The following AGBL1 variants were observed in gnomAD, a reference collection of about 807,000 sequenced individuals.
AGBL1 encodes the protein cytosolic carboxypeptidase 4.
Under a neutral mutation model 118.9 loss-of-function variants are expected in AGBL1, and 130 were observed. The ratio of observed to expected loss-of-function variants is 1.09; its 90% CI spans 0.95 to 1.26. The LOEUF (loss-of-function observed/expected upper bound fraction) is 1.26. Ranked by LOEUF, AGBL1 falls within the 50% of genes most tolerant of loss-of-function variation. The pLI is 0.00. For synonymous variants in AGBL1, 555 were observed against 478.9 expected, an observed-to-expected ratio of 1.16 and a Z score of -2.08; for missense variants, 1,584 against 1,298.1, an observed-to-expected ratio of 1.22 and a Z score of -3.38.
intron 21 of AGBL1, among the ~76,000 whole-genome samples, chr15:86,616,366 A>T (rs865835952): frequency 0.019 from 2,796 of 151,010 alleles, 115 homozygotes; most frequent in African/African-American, 0.065. Context: ...AAAAAAAAAA[A>T]AAAAAATGAA....
At chr15:86,575,147 C>A (rs1425993805) in intron 21 of AGBL1, among the ~76,000 whole-genome samples, 1 of 151,890 alleles carries the variant, frequency 6.6e-6, no homozygotes, top group Non-Finnish European at 1.5e-5. Context: ...CAAGATCACA[C>A]CACTGCACTC....
At chr15:86,387,505 G>A (rs539032737) in intron 17 of AGBL1, among the ~76,000 whole-genome samples, 3 of 152,222 alleles carry the variant, frequency 2.0e-5, no homozygotes, top group Admixed American at 6.5e-5. Flanking sequence ...TTGTAGTAAC[G>A]CAGTGAAGAA....
At chr15:86,409,687 TC>T (rs1468288460) in intron 18 of AGBL1, among the ~76,000 whole-genome samples, 1 of 152,098 alleles carries the variant, frequency 6.6e-6, no homozygotes, top group African/African-American at 2.4e-5. Flanking sequence ...TTGATGGGTT[TC>T]CCCCCCTCAC....
intron 4 of AGBL1, among the ~76,000 whole-genome samples, chr15:86,156,002 A>G (rs532971518): frequency 3.6e-4 from 54 of 152,068 alleles, no homozygotes; most frequent in African/African-American, 1.3e-3. Flanking sequence ...GTTCACTGCA[A>G]TCTCTGCCTC....
At chr15:86,698,247 G>A (rs2142632679) in intron 22 of AGBL1, among the ~76,000 whole-genome samples, 1 of 151,998 alleles carries the variant, frequency 6.6e-6, no homozygotes, top group South Asian at 2.1e-4. Context: ...ACATAGAGTG[G>A]GATGCAGAAA....
intron 15 of AGBL1, 99 bp downstream of exon 15, chr15:86,271,805 C>A: frequency 1.7e-6 from 2 of 1,169,232 alleles, no homozygotes; most frequent in Non-Finnish European, 2.5e-6. Flanking sequence ...GCAATCTGTG[C>A]TTGTCTGCTA....
chr15:86,858,184 A>T (rs188273741), intron 22 of AGBL1, among the ~76,000 whole-genome samples: 6 of 152,300 alleles, frequency 3.9e-5, no homozygotes, highest in Admixed American at 2.0e-4. Flanking sequence ...GTTCAGTGCT[A>T]TAAGAGGGTA....
intron 17 of AGBL1, among the ~76,000 whole-genome samples, chr15:86,364,064 C>G (rs746188025): frequency 6.6e-6 from 1 of 152,210 alleles, no homozygotes; most frequent in African/African-American, 2.4e-5. Context: ...CTGACCCCTT[C>G]TTACCCATAA....
intron 9 of AGBL1, among the ~76,000 whole-genome samples, chr15:86,261,140 G>A (rs1008345256): frequency 1.3e-5 from 2 of 152,146 alleles, no homozygotes; most frequent in African/African-American, 2.4e-5. Context: ...TAAGTGGGTC[G>A]CCTAGTCACA....
intron 22 of AGBL1, among the ~76,000 whole-genome samples, chr15:86,731,633 GC>G (rs1365892159): frequency 6.6e-6 from 1 of 152,166 alleles, no homozygotes; most frequent in Non-Finnish European, 1.5e-5. Context: ...AGACTTGAAA[GC>G]CAACAAGATA....
At chr15:86,526,131 T>G (rs2083259096) in intron 19 of AGBL1, among the ~76,000 whole-genome samples, 1 of 152,150 alleles carries the variant, frequency 6.6e-6, no homozygotes, top group Non-Finnish European at 1.5e-5. Context: ...CGTCACTAAT[T>G]ATCAGGGATA....
At chr15:86,488,310 G>C (rs1407768951) in intron 18 of AGBL1, among the ~76,000 whole-genome samples, 2 of 151,816 alleles carry the variant, frequency 1.3e-5, no homozygotes, top group African/African-American at 2.4e-5. Flanking sequence ...CAACTGAAAA[G>C]CATTTCCCTT....
intron 21 of AGBL1, among the ~76,000 whole-genome samples, chr15:86,623,981 T>A (rs1424786882): frequency 6.6e-6 from 1 of 152,064 alleles, no homozygotes; most frequent in Non-Finnish European, 1.5e-5. Flanking sequence ...TCTCAAAGAA[T>A]AAAAGCAAGC....
At chr15:86,513,466 G>T (rs766158718) in intron 18 of AGBL1, among the ~76,000 whole-genome samples, 4 of 151,966 alleles carry the variant, frequency 2.6e-5, no homozygotes, top group Non-Finnish European at 4.4e-5. Context: ...TTGATCATTT[G>T]AATAAAGTGG....
chr15:86,565,941 T>C (rs1357896904), intron 21 of AGBL1, among the ~76,000 whole-genome samples: 1 of 152,224 alleles, frequency 6.6e-6, no homozygotes, highest in Non-Finnish European at 1.5e-5. Context: ...AGGCGCGGGA[T>C]ATAATCTCCT....
intron 22 of AGBL1, among the ~76,000 whole-genome samples, chr15:86,795,634 G>T (rs940300379): frequency 3.3e-5 from 5 of 150,594 alleles, no homozygotes; most frequent in African/African-American, 1.2e-4. Context: ...ACCCAGGCTG[G>T]AGTGCAATGG....
intron 5 of AGBL1, among the ~76,000 whole-genome samples, chr15:86,200,006 C>T (rs1307423423): frequency 6.6e-6 from 1 of 152,066 alleles, no homozygotes; most frequent in East Asian, 1.9e-4. Context: ...CTTGTGTTTA[C>T]CATTGGGGAT....
intron 5 of AGBL1, among the ~76,000 whole-genome samples, chr15:86,195,924 C>G (rs1032753713): frequency 6.6e-6 from 1 of 152,142 alleles, no homozygotes; most frequent in Non-Finnish European, 1.5e-5. Context: ...CTTTCAACAA[C>G]TATTCTCTTT....
At chr15:86,217,676 C>T (rs1046811296) in intron 5 of AGBL1, among the ~76,000 whole-genome samples, 1 of 152,150 alleles carries the variant, frequency 6.6e-6, no homozygotes, top group Non-Finnish European at 1.5e-5. Context: ...TTTTAGGCTG[C>T]AGCATTAGCA....
Sources: allele counts gnomAD v4.1 joint callset (sites outside exome capture counted in the v4.1 genomes callset), GRCh38; gene constraint gnomAD v4.1.1; transcripts MANE v1.5; gene names NCBI Gene and HGNC (gene_info 2026-07-23, HGNC 2026-07-21).